INPP4B: variants seen among roughly 807,000 people sequenced by gnomAD.
The protein encoded by INPP4B is inositol polyphosphate-4-phosphatase type II B.
A neutral mutation model predicts 122.5 loss-of-function variants in INPP4B; 55 were observed. The ratio of observed to expected loss-of-function variants is 0.45; its 90% CI spans 0.36 to 0.56. The LOEUF is 0.56. Among genes scored for constraint, INPP4B ranks in the 20% least tolerant of loss-of-function variants. INPP4B has a pLI of 0.00. For synonymous variants in INPP4B, 403 were observed against 388.7 expected (o/e 1.04, Z -0.43); for missense variants, 1,000 against 1,097.7 (o/e 0.91, Z 1.26).
chr4:142,130,327 G>A (rs1238580506), intron 18 of INPP4B, among the ~76,000 whole-genome samples: 1 of 152,124 alleles, frequency 6.6e-6, no homozygotes, highest in Non-Finnish European at 1.5e-5. Context: ...CTGGAAGAGA[G>A]GAAATAAATG....
At chr4:142,247,233 AG>A in intron 11 of INPP4B, among the ~76,000 whole-genome samples, 1 of 152,310 alleles carries the variant, frequency 6.6e-6, no homozygotes, top group Middle Eastern at 3.4e-3. Flanking sequence ...AATATTCATC[AG>A]GGATATTGGC....
At chr4:142,346,973 C>G (rs527402721) in intron 7 of INPP4B, among the ~76,000 whole-genome samples, 3 of 151,984 alleles carry the variant, frequency 2.0e-5, no homozygotes, top group Non-Finnish European at 4.4e-5. Context: ...CTGATATTCT[C>G]TATTTGCTTT....
At chr4:142,443,893 A>C (rs1196771822) in intron 3 of INPP4B, among the ~76,000 whole-genome samples, 1 of 152,164 alleles carries the variant, frequency 6.6e-6, no homozygotes. Context: ...GCAGAAGAGG[A>C]GAAGGATGAA....
chr4:142,053,046 A>T (rs556253025), intron 25 of INPP4B, among the ~76,000 whole-genome samples: 6 of 152,216 alleles, frequency 3.9e-5, no homozygotes, highest in African/African-American at 1.4e-4. Context: ...AAGCATAGAC[A>T]AAGGAACAAT....
intron 2 of INPP4B, among the ~76,000 whole-genome samples, chr4:142,620,033 G>T (rs1245865135): frequency 6.6e-6 from 1 of 151,964 alleles, no homozygotes; most frequent in East Asian, 1.9e-4. Flanking sequence ...AATAACAGAT[G>T]CTAGCTGCAG....
At chr4:142,166,704 AC>A (rs1004331102) in intron 16 of INPP4B, among the ~76,000 whole-genome samples, 10 of 151,802 alleles carry the variant, frequency 6.6e-5, no homozygotes, top group African/African-American at 2.2e-4. Context: ...GAAAAAAAAA[AC>A]AACCACATTA....
At chr4:142,846,386 G>C (rs936490492), upstream of INPP4B, 5 of 152,466 alleles carry the variant, frequency 3.3e-5, no homozygotes, top group Non-Finnish European at 7.3e-5. This position sits in a 1 kb window ranked among gnomAD's most constrained non-coding sequence, Gnocchi z 5.1. Flanking sequence ...AGCAGGCGGC[G>C]GCGACGGCGC....
chr4:142,778,715 A>C (rs1325978013), intron 1 of INPP4B, among the ~76,000 whole-genome samples: 1 of 152,188 alleles, frequency 6.6e-6, no homozygotes, highest in Non-Finnish European at 1.5e-5. Flanking sequence ...CAAGGCAAGC[A>C]TGCAACTTAC....
intron 1 of INPP4B, among the ~76,000 whole-genome samples, chr4:142,789,287 C>G (rs997681844): frequency 1.3e-5 from 2 of 152,104 alleles, no homozygotes; most frequent in African/African-American, 4.8e-5. Context: ...AAGAGGAAGT[C>G]AAACTGTCAC....
chr4:142,166,128 A>T (rs1355203635), intron 16 of INPP4B, among the ~76,000 whole-genome samples: 1 of 151,842 alleles, frequency 6.6e-6, no homozygotes, highest in South Asian at 2.1e-4. Flanking sequence ...TAACATATGC[A>T]TATTTTATAA....
intron 23 of INPP4B, among the ~76,000 whole-genome samples, chr4:142,089,460 C>T (rs1305540596): frequency 6.8e-6 from 1 of 147,718 alleles, no homozygotes; most frequent in East Asian, 2.0e-4. Flanking sequence ...CACACACACA[C>T]ACACACACAC....
At chr4:142,636,756 T>G (rs1175483296) in intron 2 of INPP4B, among the ~76,000 whole-genome samples, 1 of 152,158 alleles carries the variant, frequency 6.6e-6, no homozygotes, top group African/African-American at 2.4e-5. Context: ...TCACATACTT[T>G]AGTCCATTTA....
intron 23 of INPP4B, among the ~76,000 whole-genome samples, chr4:142,098,694 T>C (rs1783148487): frequency 6.6e-6 from 1 of 151,980 alleles, no homozygotes; most frequent in Non-Finnish European, 1.5e-5. Context: ...AACTAAAAGG[T>C]TGAAATTAAT....
At chr4:142,358,175 G>GA (rs965191120) in intron 7 of INPP4B, among the ~76,000 whole-genome samples, 7 of 151,796 alleles carry the variant, frequency 4.6e-5, no homozygotes, top group Non-Finnish European at 1.0e-4. Flanking sequence ...ATACTAATAT[G>GA]AAAAAAATAT....
At chr4:142,157,214 A>C (rs1817698529) in intron 17 of INPP4B, among the ~76,000 whole-genome samples, 1 of 152,108 alleles carries the variant, frequency 6.6e-6, no homozygotes, top group Non-Finnish European at 1.5e-5. Context: ...CTTTAGTTTT[A>C]CTCAATTTAT....
intron 9 of INPP4B, among the ~76,000 whole-genome samples, chr4:142,292,060 A>G (rs1221548392): frequency 1.3e-5 from 2 of 152,240 alleles, no homozygotes; most frequent in Non-Finnish European, 2.9e-5. Flanking sequence ...CATCACTCAA[A>G]TACTACTTGT....
At chr4:142,259,416 G>A (rs913952480) in intron 11 of INPP4B, among the ~76,000 whole-genome samples, 10 of 151,406 alleles carry the variant, frequency 6.6e-5, no homozygotes, top group South Asian at 2.1e-4. Flanking sequence ...AACAAGAGGG[G>A]TAGAAGAGAT....
intron 2 of INPP4B, among the ~76,000 whole-genome samples, chr4:142,715,607 A>C (rs557018522): frequency 1.4e-3 from 207 of 152,292 alleles, no homozygotes; most frequent in African/African-American, 4.6e-3. Context: ...AAATAAAGGC[A>C]TAGGTGAAAG....
intron 2 of INPP4B, among the ~76,000 whole-genome samples, chr4:142,535,540 G>T (rs553269796): frequency 7.1e-4 from 108 of 152,212 alleles, no homozygotes; most frequent in African/African-American, 2.4e-3. Context: ...AAAAATAAAT[G>T]CAAGAACACT....
Sources: allele counts gnomAD v4.1 joint callset (sites outside exome capture counted in the v4.1 genomes callset), GRCh38; gene constraint gnomAD v4.1.1; non-coding constraint Gnocchi (gnomAD v3.1); transcripts MANE v1.5; gene names NCBI Gene and HGNC (gene_info 2026-07-23, HGNC 2026-07-21).